The following CTTNBP2 variants were observed in gnomAD, a reference collection of about 807,000 sequenced individuals.
The protein encoded by CTTNBP2 is cortactin-binding protein 2.
Under a neutral mutation model 156.9 loss-of-function variants are expected in CTTNBP2, and 108 were observed. The observed-to-expected ratio is 0.69, with a 90% CI of 0.59 to 0.81. The LOEUF (loss-of-function observed/expected upper bound fraction) is 0.81. Ranked by LOEUF, CTTNBP2 falls within the 30% of genes least tolerant of loss-of-function variation. CTTNBP2 has a pLI of 0.00. For missense variants in CTTNBP2, 1,924 were observed against 2,035.4 expected (o/e 0.95, Z 1.05); for synonymous variants, 767 against 751.8 (o/e 1.02, Z -0.33).
rs185174487 is a variant in CTTNBP2, at chr7:117,804,043, A to G, written c.414+6722T>C. Among the ~76,000 whole-genome samples the G allele has an allele frequency of 2.3e-3, 356 of 152,122 alleles. 2 individuals are homozygous for G. The highest frequency in any genetic ancestry group is 3.8e-3 in the Non-Finnish European group (258 of 67,998). Reference sequence around the variant, plus strand: ...AGTGGGGTGATCTCAGCTCACTGCAACCTCTGCCTCCTGGGTTCGAGAGAT... The same window carrying G: ...AGTGGGGTGATCTCAGCTCACTGCAGCCTCTGCCTCCTGGGTTCGAGAGAT... On this transcript the variant is annotated intron_variant, in intron 3 of 22. Transcript: ENST00000160373.
intron 9 of CTTNBP2, among the ~76,000 whole-genome samples, chr7:117,763,578 T>G (rs1236745614): frequency 9.4e-6 from 1 of 106,536 alleles, no homozygotes; most frequent in African/African-American, 5.1e-5. Flanking sequence ...TTTTTTTTTT[T>G]GAGACAGGGT....
At chr7:117,752,238 CA>C (rs1370519847) in intron 12 of CTTNBP2, among the ~76,000 whole-genome samples, 3 of 152,098 alleles carry the variant, frequency 2.0e-5, no homozygotes, top group Non-Finnish European at 4.4e-5. Context: ...AGAAGAAACT[CA>C]AGGATCCCAT....
Position 117,760,752 on chromosome 7 carries a change from A to G in CTTNBP2, c.2897-42T>C, listed in dbSNP as rs781222464. The G allele has an allele frequency of 9.2e-6, 13 of 1,413,864 alleles. No individual in the cohort carries two copies. In the South Asian group the frequency reaches 1.5e-4, roughly 17 times the overall value. The allele number at this position is 1,413,864 out of a possible 1,614,324, so 87.6% of individuals were successfully genotyped here. A position where few individuals can be genotyped will look rare whatever the true frequency, so the allele number is the denominator to read the frequency against. On this transcript the variant is annotated intron_variant, in intron 9 of 22. Transcript: ENST00000160373. Reference sequence around the variant, plus strand: ...AGAATTAGGAGTTAAAAAAATCTGGACAGAAAAAAAAAGTAAAACTATTAC... The same window carrying G: ...AGAATTAGGAGTTAAAAAAATCTGGGCAGAAAAAAAAAGTAAAACTATTAC...
intron 2 of CTTNBP2, among the ~76,000 whole-genome samples, chr7:117,822,344 T>G (rs1355135688): frequency 6.6e-6 from 1 of 152,180 alleles, no homozygotes; most frequent in African/African-American, 2.4e-5. Flanking sequence ...TTTATTATTA[T>G]TTTTCCTATT....
At position 117,792,459 on chromosome 7, in the gene CTTNBP2, T is replaced by G. The variant is rs147899019; in HGVS notation, c.737A>C (p.Asn246Thr). The G allele has an allele frequency of 1.2e-4, 200 of 1,614,206 alleles. No individual in the cohort carries two copies. The African/African-American group carries it at 2.5e-3, about 21-fold the overall frequency. Reference sequence around the variant, plus strand: ...GTCAGTGGTGTGTGCTTCTTCCCGGTTCAGCTTGGCACGAAGCTGTTCCCG... The same window carrying G: ...GTCAGTGGTGTGTGCTTCTTCCCGGGTCAGCTTGGCACGAAGCTGTTCCCG... ...TEREQLRAKL[N>T]REEAHTTDLK... The change falls in exon 4 of 23, where the codon AAC becomes ACC. Residue 246 changes from asparagine (N) to threonine (T), a missense_variant. Transcript: ENST00000160373. The surrounding 1 kb of genome is among the most constrained non-coding windows in gnomAD (Gnocchi z 4.2).
At chr7:117,716,921 C>G (rs1794412728) in intron 22 of CTTNBP2, among the ~76,000 whole-genome samples, 1 of 152,214 alleles carries the variant, frequency 6.6e-6, no homozygotes, top group Non-Finnish European at 1.5e-5. Flanking sequence ...AATAGTCTCA[C>G]CATGCTTACT....
rs934717469 is a variant in CTTNBP2 at position 117,791,322 on chromosome 7, C to T, written c.1874G>A (p.Gly625Asp). Residue 625 changes from glycine to aspartate, a missense_variant, in exon 4 of 23, where the codon GGC (glycine) becomes GAC (aspartate). Transcript: ENST00000160373. ...CGTGGCCAGGGCTGAAACGGCACAG[C>T]CTGCAGGTGCCACAGTTAAATCTAT... ...PSIDLTVAPA[G>D]CAVSALATSQ... The T allele has an allele frequency of 6.2e-7, 1 of 1,614,140 alleles. No individual in the cohort carries two copies. Among genetic ancestry groups the T allele is most frequent in the Non-Finnish European group, 8.5e-7 (1 of 1,180,012 alleles).
chr7:117,750,386 G>A (rs540941042), intron 12 of CTTNBP2, among the ~76,000 whole-genome samples: 1 of 152,256 alleles, frequency 6.6e-6, no homozygotes, highest in African/African-American at 2.4e-5. Context: ...CTAGATGTAA[G>A]CCCTTTGCAT....
chr7:117,772,195 CAG>C (rs781472466), intron 8 of CTTNBP2, among the ~76,000 whole-genome samples: 17 of 152,154 alleles, frequency 1.1e-4, no homozygotes, highest in Non-Finnish European at 2.2e-4. Flanking sequence ...TAAAGGGAAG[CAG>C]AGAGACCGAA....
rs1462245041 is a variant in CTTNBP2 at position 117,721,113 on chromosome 7, T to C, written c.4465A>G (p.Ile1489Val). 13 of 1,599,444 alleles carry C rather than the reference T, an allele frequency of 8.1e-6. No individual in the cohort carries two copies. Among genetic ancestry groups the C allele is most frequent in the African/African-American group, 5.3e-5 (4 of 74,768 alleles). The change falls in exon 20 of 23, where the codon ATA becomes GTA. Residue 1489 changes from isoleucine (I) to valine (V), a missense_variant. Physicochemically the swap from Ile to Val is conservative, Grantham distance 29. Coordinates refer to ENST00000160373, the MANE Select transcript of CTTNBP2 (RefSeq NM_033427.3). ...TTCCTGTTACAATTCAGCTGTGATA[T>C]AGTCTTATTTTTCATACCTGTTAAA... ...LSTEGMKNKT[I>V]SQLNCNRNAS...
chr7:117,831,819 T>C (rs1801628761), intron 2 of CTTNBP2, among the ~76,000 whole-genome samples: 1 of 152,090 alleles, frequency 6.6e-6, no homozygotes, highest in African/African-American at 2.4e-5. Flanking sequence ...CAGTTTCTTT[T>C]TCAAGTATGT....
At chr7:117,819,339 CTCTT>C (rs774876117) in intron 2 of CTTNBP2, among the ~76,000 whole-genome samples, 4 of 148,380 alleles carry the variant, frequency 2.7e-5, no homozygotes, top group Non-Finnish European at 4.4e-5. Context: ...CATTCACATA[CTCTT>C]TCTCTTTTCT....
intron 22 of CTTNBP2, among the ~76,000 whole-genome samples, chr7:117,716,187 A>G (rs1269319244): frequency 2.0e-5 from 3 of 149,600 alleles, no homozygotes; most frequent in Non-Finnish European, 4.5e-5. Context: ...ACTCGCTTTA[A>G]AAAATATCTT....
At chr7:117,725,987 C>T (rs1795075928) in intron 17 of CTTNBP2, among the ~76,000 whole-genome samples, 2 of 152,196 alleles carry the variant, frequency 1.3e-5, no homozygotes, top group African/African-American at 4.8e-5. Flanking sequence ...CCGCACCCAG[C>T]CTGGGATGTA....
chr7:117,784,551 A>G (rs1798608767), intron 4 of CTTNBP2, 97 bp from the exon 5 acceptor site: 2 of 788,480 alleles, frequency 2.5e-6, no homozygotes, highest in Non-Finnish European at 3.9e-6. Context: ...AAACATATGA[A>G]CATGTGTCCC....
chr7:117,740,062 A>G (rs1377339468), intron 14 of CTTNBP2, among the ~76,000 whole-genome samples: 1 of 152,146 alleles, frequency 6.6e-6, no homozygotes, highest in Admixed American at 6.5e-5. Context: ...ATTTGACCTA[A>G]TTCTAATATG....
intron 2 of CTTNBP2, among the ~76,000 whole-genome samples, chr7:117,840,358 TA>T (rs935145059): frequency 1.0e-3 from 152 of 145,962 alleles, no homozygotes; most frequent in Middle Eastern, 3.5e-3. Context: ...AATAGAATCT[TA>T]AAAAAAAAAA....
At position 117,746,072 on chromosome 7, in the gene CTTNBP2, G is replaced by C; in HGVS notation, c.3376C>G (p.His1126Asp). 1 of 1,613,936 alleles carries C rather than the reference G, an allele frequency of 6.2e-7. No homozygotes were observed. Among genetic ancestry groups the C allele is most frequent in the Non-Finnish European group, 8.5e-7 (1 of 1,179,846 alleles). The change falls in exon 13 of 23, where the codon CAC (histidine) becomes GAC (aspartate). Residue 1126 changes from histidine (H) to aspartate (D), a missense_variant. Coordinates refer to ENST00000160373, the MANE Select transcript of CTTNBP2 (RefSeq NM_033427.3). The part of the protein sequence containing the change: ...LVEQYHNVIF[H>D]GPEGSLQDYI... ...TCTTGCAAGCTTCCTTCTGGGCCGTGGAAAATGACATTATGATATTGCTCA... is the reference window on the plus strand; with the variant it reads ...TCTTGCAAGCTTCCTTCTGGGCCGTCGAAAATGACATTATGATATTGCTCA...
chr7:117,721,157 T>A (rs746554932), intron 19 of CTTNBP2, 27 bp from the exon 20 acceptor site: 1 of 1,298,586 alleles, frequency 7.7e-7, no homozygotes, highest in East Asian at 2.3e-5. Flanking sequence ...CCATTTTCAA[T>A]AGATCATTAT....
Sources: allele counts gnomAD v4.1 joint callset (sites outside exome capture counted in the v4.1 genomes callset), GRCh38; gene constraint gnomAD v4.1.1; non-coding constraint Gnocchi (gnomAD v3.1); transcripts MANE v1.5; gene names NCBI Gene and HGNC (gene_info 2026-07-23, HGNC 2026-07-21).